Variants in KCNAB2 observed in about 807,000 individuals in gnomAD.
KCNAB2 encodes voltage-gated potassium channel subunit beta-2.
KCNAB2 carries 29 observed loss-of-function variants against 63.6 expected under a neutral mutation model. The ratio of observed to expected loss-of-function variants is 0.46; its 90% confidence interval spans 0.34 to 0.62. The LOEUF is 0.62. Ranked by LOEUF, KCNAB2 falls within the 20% of genes least tolerant of loss-of-function variation. KCNAB2 has a pLI of 0.01. For missense variants in KCNAB2, 359 were observed against 563.9 expected, an observed-to-expected ratio of 0.64 and a Z score of 3.68; for synonymous variants, 222 against 224.2, an observed-to-expected ratio of 0.99 and a Z score of 0.09.
intron 1 of KCNAB2, among the ~76,000 whole-genome samples, chr1:6,000,226 A>G (rs1162908485): frequency 6.6e-6 from 1 of 152,112 alleles, no homozygotes; most frequent in African/African-American, 2.4e-5. Flanking sequence ...AGTAGCAGGT[A>G]TTTTTAGTCA....
chr1:6,000,039 G>A lies in KCNAB2; in HGVS notation c.-53+7251G>A, dbSNP rs558885894. Among the ~76,000 whole-genome samples, 133 of 151,454 alleles carry A rather than the reference G, an allele frequency of 8.8e-4. 1 individual carries two copies. The highest frequency in any genetic ancestry group is 1.2e-3 in the Non-Finnish European group (81 of 67,842). On this transcript the variant is annotated intron_variant, in intron 1 of 16. Transcript: ENST00000341524. ...ACCCTGTCTGCGCCGTCCGTGCCCC[G>A]TCTGCACCTTGTCTGTGCCCCGTCC...
upstream of KCNAB2, chr1:6,041,814 T>C (rs367917305): frequency 2.8e-5 from 45 of 1,610,964 alleles, no homozygotes; most frequent in Non-Finnish European, 3.7e-5. Context: ...TTCTCTTTTC[T>C]CCATTGCTGT....
intron 9 of KCNAB2, 103 bp downstream of exon 9, chr1:6,090,578 G>A (rs1314437906): frequency 1.3e-5 from 11 of 823,778 alleles, no homozygotes; most frequent in East Asian, 5.4e-5. Context: ...CTGGGCACCC[G>A]GGTGAGCCGT....
At chr1:5,995,092 G>A (rs1022514913) in intron 1 of KCNAB2, among the ~76,000 whole-genome samples, 11 of 152,262 alleles carry the variant, frequency 7.2e-5, no homozygotes, top group Non-Finnish European at 1.5e-4. Context: ...TATTCACGCC[G>A]CCAGAGGTCC....
At chr1:6,065,426 G>A (rs893451261) in intron 2 of KCNAB2, among the ~76,000 whole-genome samples, 3 of 152,198 alleles carry the variant, frequency 2.0e-5, no homozygotes, top group Non-Finnish European at 4.4e-5. Context: ...GGGAGCCTCA[G>A]CCGCCCACAG....
chr1:6,050,062 C>T (rs1291913687), intron 1 of KCNAB2, among the ~76,000 whole-genome samples: 1 of 152,218 alleles, frequency 6.6e-6, no homozygotes, highest in Non-Finnish European at 1.5e-5. Context: ...AAAGGCCCAG[C>T]CTGGGGCAAC....
chr1:6,007,138 G>A (rs966348676), intron 1 of KCNAB2, among the ~76,000 whole-genome samples: 8 of 152,116 alleles, frequency 5.3e-5, no homozygotes, highest in East Asian at 1.9e-4. Flanking sequence ...TCAGCCAGGC[G>A]AGCTGGGAGC....
chr1:6,032,534 G>A (rs1226424187), upstream of KCNAB2, among the ~76,000 whole-genome samples: 2 of 149,412 alleles, frequency 1.3e-5, no homozygotes, highest in African/African-American at 4.9e-5. Flanking sequence ...CCAAGATCAT[G>A]CCACTGCAGT....
In KCNAB2 at chr1:6,078,294, A is replaced by G. The variant is rs1484227483; in HGVS notation, c.301-3901A>G. Among the ~76,000 whole-genome samples, 1 of 152,212 alleles carries G rather than the reference A, an allele frequency of 6.6e-6. No homozygotes were observed. Among genetic ancestry groups the G allele is most frequent in the Non-Finnish European group, 1.5e-5 (1 of 68,040 alleles). Reference sequence around the variant, plus strand: ...AGGGCCCACTTAGCTAAGCCAGGACATTCTCCCCACTGCAGAGTACTCACG... The same window carrying G: ...AGGGCCCACTTAGCTAAGCCAGGACGTTCTCCCCACTGCAGAGTACTCACG... On this transcript the variant is annotated intron_variant, in intron 4 of 15. Coordinates refer to ENST00000378083, the MANE Select transcript of KCNAB2 (RefSeq NM_001199862.2). This position sits in a 1 kb window ranked among gnomAD's most constrained non-coding sequence, Gnocchi z 4.2.
chr1:6,041,714 G>A, upstream of KCNAB2: 4 of 876,556 alleles, frequency 4.6e-6, no homozygotes, highest in South Asian at 1.4e-5. Context: ...GGGGGCCCGG[G>A]GGCATGGGAC....
chr1:6,000,727 T>C (rs950733111), intron 1 of KCNAB2, among the ~76,000 whole-genome samples: 1 of 151,296 alleles, frequency 6.6e-6, no homozygotes, highest in African/African-American at 2.4e-5. Context: ...CTATAGGCCG[T>C]TGGAATCTGA....
intron 15 of KCNAB2, chr1:6,098,137 G>A: frequency 7.6e-6 from 8 of 1,053,828 alleles, no homozygotes; most frequent in Non-Finnish European, 9.2e-6. Flanking sequence ...TGGCGGTGCT[G>A]TATGCTGAGG....
In KCNAB2 at chr1:6,087,441, C is replaced by T. The variant is rs768955760; in HGVS notation, c.426-26C>T. On this transcript the variant is annotated intron_variant, in intron 6 of 15. Coordinates refer to ENST00000378083, the MANE Select transcript of KCNAB2 (RefSeq NM_001199862.2). The surrounding 1 kb of genome is among the most constrained non-coding windows in gnomAD (Gnocchi z 6.4). The stretch of plus-strand genomic sequence containing the variant: ...CCCCCCAGGGGCCGGGCTTATCACA[C>T]CCCTTCTTTCTCTTCTGTTCCACAG... 5.6e-6 allele frequency: 9 copies of T among 1,613,752 alleles called. No individual in the cohort carries two copies. Among genetic ancestry groups the T allele is most frequent in the Non-Finnish European group, 7.6e-6 (9 of 1,179,640 alleles).
intron 1 of KCNAB2, among the ~76,000 whole-genome samples, chr1:6,048,340 G>T (rs773700786): frequency 6.6e-6 from 1 of 152,152 alleles, no homozygotes; most frequent in Non-Finnish European, 1.5e-5. Context: ...TTCTGGCTGC[G>T]TCACCAACTC....
intron 2 of KCNAB2, among the ~76,000 whole-genome samples, chr1:6,057,483 G>GA (rs1661938310): frequency 6.6e-6 from 1 of 152,138 alleles, no homozygotes; most frequent in Admixed American, 6.5e-5. Context: ...AGAGACCAGG[G>GA]GGGATGGCAA....
At chr1:6,017,642 T>G (rs1296271447) in intron 1 of KCNAB2, among the ~76,000 whole-genome samples, 2 of 151,994 alleles carry the variant, frequency 1.3e-5, no homozygotes, top group Admixed American at 6.6e-5. Flanking sequence ...AATACAAAAA[T>G]TAGCCGGGCA....
intron 1 of KCNAB2, among the ~76,000 whole-genome samples, chr1:6,039,676 T>A (rs778913263): frequency 1.3e-5 from 2 of 152,200 alleles, no homozygotes; most frequent in Non-Finnish European, 2.9e-5. Flanking sequence ...TTGCCGGGAC[T>A]GGGCTCACCT....
intron 1 of KCNAB2, among the ~76,000 whole-genome samples, chr1:6,001,948 T>C (rs1055875003): frequency 2.6e-5 from 4 of 152,174 alleles, no homozygotes; most frequent in African/African-American, 9.7e-5. Context: ...CCCCTCGATG[T>C]CCTGTAGTCT....
At position 6,051,581 on chromosome 1, in the gene KCNAB2, C is replaced by T. The variant is rs1293814252; in HGVS notation, c.45C>T (p.Ser15=). The T allele has an allele frequency of 2.6e-6, 4 of 1,534,456 alleles. 1 individual carries two copies. In the Admixed American group the frequency reaches 7.9e-5, roughly 30 times the overall value. ...GCGAGAGTCTGCGGAGCGTGAGCAG[C>T]AGGTGCCACTCTGAATGGGCCCTGC... ...TYSESLRSVS[S]RCHSEWALHP... is the part of the protein sequence containing the mutation. The change falls in exon 2 of 16, where the codon AGC becomes AGT. Residue 15 remains serine (S), a synonymous_variant. Transcript: ENST00000378083.
Sources: allele counts gnomAD v4.1 joint callset (sites outside exome capture counted in the v4.1 genomes callset), GRCh38; gene constraint gnomAD v4.1.1; non-coding constraint Gnocchi (gnomAD v3.1); transcripts MANE v1.5; gene names NCBI Gene and HGNC (gene_info 2026-07-23, HGNC 2026-07-21).